NEK11: variants seen among roughly 807,000 people sequenced by gnomAD.
NEK11 encodes NIMA related kinase 11.
NEK11 carries 72 observed loss-of-function variants against 80.7 expected under a neutral mutation model. The observed-to-expected ratio is 0.89, with a 90% CI of 0.74 to 1.08. The LOEUF is 1.08. Among genes scored for constraint, NEK11 ranks in the 50% least tolerant of loss-of-function variants. The pLI, the probability that NEK11 is intolerant of heterozygous loss-of-function variation, is 0.00. For synonymous variants in NEK11, 251 were observed against 260.7 expected (o/e 0.96, Z 0.36); for missense variants, 764 against 763.6 (o/e 1.00, Z -0.01).
chr3:131,048,050 G>A lies in NEK11; in HGVS notation c.170+18172G>A, dbSNP rs1399498374. ...CTGCTGCATCATGCAGGTCACCAGG[G>A]AAGTGGGAGAAAACTGGCAGTTACA... is the stretch of plus-strand genomic sequence containing the variant. On this transcript the variant is annotated intron_variant, in intron 3 of 17. Transcript: ENST00000383366. 3.3e-5 allele frequency among the ~76,000 whole-genome samples: 5 copies of A among 152,104 alleles called. No homozygotes were observed. The East Asian group carries it at 9.6e-4, about 29-fold the overall frequency.
intron 14 of NEK11, among the ~76,000 whole-genome samples, chr3:131,186,439 A>G (rs575511684): frequency 4.6e-5 from 7 of 152,270 alleles, no homozygotes; most frequent in South Asian, 2.1e-4. Flanking sequence ...ATGTGTATCA[A>G]GATAATGTAG....
chr3:131,298,526 T>C (rs1052217481), intron 17 of NEK11, among the ~76,000 whole-genome samples: 12 of 152,198 alleles, frequency 7.9e-5, no homozygotes, highest in African/African-American at 2.7e-4. Context: ...ACAAAATCAA[T>C]GTACAAAAAT....
At chr3:131,077,880 C>G (rs1419258360) in intron 3 of NEK11, among the ~76,000 whole-genome samples, 3 of 152,210 alleles carry the variant, frequency 2.0e-5, no homozygotes, top group Admixed American at 1.3e-4. Flanking sequence ...CTTGATAGAA[C>G]AGCCTTTCTT....
chr3:131,232,083 C>T (rs749913899), intron 15 of NEK11, among the ~76,000 whole-genome samples: 5 of 152,182 alleles, frequency 3.3e-5, no homozygotes, highest in Admixed American at 6.6e-5. Context: ...TGATTGCCAA[C>T]TGTTTCTCTG....
At chr3:131,216,836 C>T (rs937348758) in intron 14 of NEK11, among the ~76,000 whole-genome samples, 4 of 152,188 alleles carry the variant, frequency 2.6e-5, no homozygotes, top group Non-Finnish European at 4.4e-5. Flanking sequence ...CTAAATGTTA[C>T]GGTGATTGAA....
rs2064482771 is a variant in NEK11 at position 131,029,615 on chromosome 3, A to G, written c.-94A>G. ...TCTTTTAACTTTTCATCTTTAAGGA[A>G]CTGACCAACACTGGATGAATTTGAC... On this transcript the variant is annotated splice_region_variant and 5_prime_UTR_variant, in exon 3 of 18. Coordinates refer to ENST00000383366, the MANE Select transcript of NEK11 (RefSeq NM_024800.5). The G allele has an allele frequency of 3.2e-6, 4 of 1,231,940 alleles. No individual in the cohort carries two copies. The African/African-American group carries it at 4.5e-5, about 14-fold the overall frequency. The allele number at this position is 1,231,940 out of a possible 1,614,324, so 76.3% of individuals were successfully genotyped here.
intron 16 of NEK11, among the ~76,000 whole-genome samples, chr3:131,264,027 G>A (rs1010771631): frequency 6.6e-5 from 10 of 152,168 alleles, no homozygotes; most frequent in African/African-American, 1.9e-4. Flanking sequence ...AGAAGTGTCT[G>A]TTCATATACT....
In NEK11 at chr3:131,243,560, G is replaced by T. The variant is rs368525579; in HGVS notation, c.1621+64G>T. Reference sequence around the variant, plus strand: ...CTACTGATTATCTTGGAATAACTTGGAAGAAATCTTACAGGTGTTTAAGTC... The same window carrying T: ...CTACTGATTATCTTGGAATAACTTGTAAGAAATCTTACAGGTGTTTAAGTC... On this transcript the variant is annotated intron_variant, in intron 16 of 17. Coordinates refer to ENST00000383366, the MANE Select transcript of NEK11 (RefSeq NM_024800.5). 31 of 1,386,236 alleles carry T rather than the reference G, an allele frequency of 2.2e-5. No individual in the cohort carries two copies. In the African/African-American group the frequency reaches 4.1e-4, roughly 18 times the overall value. 85.9% of individuals were successfully genotyped at this position (1,386,236 alleles called of 1,614,324 possible).
At chr3:131,105,672 T>G (rs2079069556) in intron 4 of NEK11, among the ~76,000 whole-genome samples, 1 of 152,166 alleles carries the variant, frequency 6.6e-6, no homozygotes, top group South Asian at 2.1e-4. Flanking sequence ...CTTCTGAGAC[T>G]CACTCACTGT....
chr3:131,073,297 A>G (rs1343185444), intron 3 of NEK11, among the ~76,000 whole-genome samples: 1 of 152,148 alleles, frequency 6.6e-6, no homozygotes. Context: ...TACTCCTAGA[A>G]TTTTTGTTTA....
chr3:131,122,944 A>T (rs915167326), intron 5 of NEK11, among the ~76,000 whole-genome samples: 2 of 152,168 alleles, frequency 1.3e-5, no homozygotes, highest in Admixed American at 6.5e-5. Context: ...AATGAGAGGG[A>T]CCCACCACTT....
intron 17 of NEK11, among the ~76,000 whole-genome samples, chr3:131,346,739 T>A (rs540119747): frequency 1.8e-4 from 27 of 152,120 alleles, no homozygotes; most frequent in African/African-American, 6.0e-4. Context: ...AAGGGCACCA[T>A]GAAGTGGAAG....
intron 14 of NEK11, among the ~76,000 whole-genome samples, chr3:131,181,837 A>G (rs1475208656): frequency 6.6e-6 from 1 of 151,662 alleles, no homozygotes; most frequent in African/African-American, 2.4e-5. Context: ...ATAGAAAACT[A>G]ATACAGCTAT....
At chr3:131,058,363 G>A (rs907436740) in intron 3 of NEK11, among the ~76,000 whole-genome samples, 1 of 152,154 alleles carries the variant, frequency 6.6e-6, no homozygotes, top group African/African-American at 2.4e-5. Context: ...GACTGACTTG[G>A]CGATGCGGGC....
At chr3:131,314,479 A>C (rs1368344050) in intron 17 of NEK11, among the ~76,000 whole-genome samples, 2 of 152,198 alleles carry the variant, frequency 1.3e-5, no homozygotes, top group African/African-American at 4.8e-5. Context: ...AAACTGTAGG[A>C]TAAGTCTTTT....
At chr3:131,178,016 A>G (rs935122374) in intron 14 of NEK11, among the ~76,000 whole-genome samples, 1 of 152,248 alleles carries the variant, frequency 6.6e-6, no homozygotes, top group Non-Finnish European at 1.5e-5. Context: ...CCTGTACAGC[A>G]TATTACTGTC....
At chr3:131,295,743 T>C (rs1249828098) in intron 17 of NEK11, among the ~76,000 whole-genome samples, 1 of 152,204 alleles carries the variant, frequency 6.6e-6, no homozygotes, top group African/African-American at 2.4e-5. Context: ...GATTCCCTTA[T>C]CTCTCCTTTC....
intron 17 of NEK11, among the ~76,000 whole-genome samples, chr3:131,317,367 G>A (rs1437397538): frequency 6.6e-6 from 1 of 152,156 alleles, no homozygotes; most frequent in Non-Finnish European, 1.5e-5. Flanking sequence ...CCTGGTGCTG[G>A]TTTCAGCACA....
chr3:131,091,162 C>G (rs2076677258), intron 4 of NEK11, among the ~76,000 whole-genome samples: 1 of 152,194 alleles, frequency 6.6e-6, no homozygotes, highest in African/African-American at 2.4e-5. Context: ...AAGCACAAGA[C>G]ACAGATCTTG....
Sources: gnomAD v4.1 joint callset for allele counts (sites outside exome capture counted in the v4.1 genomes callset) on GRCh38, gnomAD v4.1.1 for gene constraint, MANE v1.5 for transcripts, NCBI Gene and HGNC (gene_info 2026-07-23, HGNC 2026-07-21) for gene names.